Variants in PAQR5 observed in about 807,000 individuals in gnomAD.
PAQR5 encodes progestin and adipoQ receptor family member 5, also known as membrane progestin receptor gamma.
A neutral mutation model predicts 34.5 loss-of-function variants in PAQR5; 20 were observed. That is an observed-to-expected ratio of 0.58 (90% CI 0.41 to 0.84). The LOEUF (loss-of-function observed/expected upper bound fraction) is 0.84, where lower values mean the gene tolerates loss of function less well. PAQR5 is among the 40% of genes least tolerant of loss of function. The pLI, the probability that PAQR5 is intolerant of heterozygous loss-of-function variation, is 0.00. For missense variants in PAQR5, 378 were observed against 412.7 expected, an observed-to-expected ratio of 0.92 and a Z score of 0.73; for synonymous variants, 131 against 155.6, an observed-to-expected ratio of 0.84 and a Z score of 1.18.
chr15:69,321,126 A>C (rs772716384), intron 1 of PAQR5, among the ~76,000 whole-genome samples: 1 of 152,214 alleles, frequency 6.6e-6, no homozygotes, highest in Non-Finnish European at 1.5e-5. Context: ...CAAAACTGTC[A>C]TGTTGATATC....
chr15:69,300,687 C>T (rs2053539396), intron 1 of PAQR5, among the ~76,000 whole-genome samples: 1 of 3,056 alleles, frequency 3.3e-4, no homozygotes, highest in African/African-American at 6.2e-4. Flanking sequence ...TTCCTTCCTC[C>T]CTCCCTCTCT....
chr15:69,317,135 T>C (rs34791416), intron 1 of PAQR5, among the ~76,000 whole-genome samples: 62,202 of 152,074 alleles, frequency 0.41, 13,008 homozygotes, highest in African/African-American at 0.51. Context: ...GGGTTTAGAA[T>C]AGATTGAGTG....
chr15:69,368,725 T>C (rs2055471792), intron 3 of PAQR5, among the ~76,000 whole-genome samples: 1 of 120,470 alleles, frequency 8.3e-6, no homozygotes, highest in Non-Finnish European at 1.7e-5. Context: ...ATTCCTTTGA[T>C]GTATTTTAAA....
At chr15:69,314,301 C>A (rs560586746) in intron 1 of PAQR5, 1 of 152,110 alleles carries the variant, frequency 6.6e-6, no homozygotes, top group African/African-American at 2.4e-5. Context: ...GGCCCAGCTG[C>A]CCTTCTCCCT....
At chr15:69,354,162 C>G (rs2054996810) in intron 2 of PAQR5, among the ~76,000 whole-genome samples, 1 of 152,148 alleles carries the variant, frequency 6.6e-6, no homozygotes, top group Non-Finnish European at 1.5e-5. Context: ...GGCCAACCCA[C>G]TAAGTAAAGA....
At position 69,405,986 on chromosome 15, in the gene PAQR5, T is replaced by C. The variant is rs1162810541; in HGVS notation, c.*2164T>C. On this transcript the variant is annotated 3_prime_UTR_variant, in exon 9 of 9. Coordinates refer to ENST00000395407, the MANE Select transcript of PAQR5 (RefSeq NM_017705.4). Reference sequence around the variant, plus strand: ...TGCAAAATGAGAAGGGGTTCAAATATATTAATTATCATTAAGTATTAAATA... The same window carrying C: ...TGCAAAATGAGAAGGGGTTCAAATACATTAATTATCATTAAGTATTAAATA... 2.0e-5 allele frequency: 3 copies of C among 152,224 alleles called. No homozygotes were observed. Among genetic ancestry groups the C allele is most frequent in the Non-Finnish European group, 4.4e-5 (3 of 68,032 alleles). 9.4% of individuals were successfully genotyped at this position (152,224 alleles called of 1,614,324 possible). A position where few individuals can be genotyped will look rare whatever the true frequency, so the allele number is the denominator to read the frequency against.
chr15:69,373,360 G>C (rs1504622), intron 3 of PAQR5, among the ~76,000 whole-genome samples: 144,105 of 152,080 alleles, frequency 0.95, 68,780 homozygotes, highest in South Asian at 1. Context: ...CTACTGTAGA[G>C]TTAGCAACCA....
chr15:69,319,158 CATATAT>C (rs869082537), intron 1 of PAQR5, among the ~76,000 whole-genome samples: 200 of 3,990 alleles, frequency 0.05, 2 homozygotes, highest in African/African-American at 0.057. Flanking sequence ...TAAATATATA[CATATAT>C]ATATATATAT....
chr15:69,382,659 CATATAT>C lies in PAQR5; in HGVS notation c.180-1977_180-1972del, dbSNP rs59064870. Among the ~76,000 whole-genome samples the C allele has an allele frequency of 7.2e-3, 652 of 91,154 alleles. 9 individuals carry two copies. The highest frequency in any genetic ancestry group is 8.6e-3 in the Non-Finnish European group (436 of 50,878). 59.8% of individuals were successfully genotyped at this position (91,154 alleles called of 152,430 possible). A position where few individuals can be genotyped will look rare whatever the true frequency, so the allele number is the denominator to read the frequency against. On this transcript the variant is annotated intron_variant, in intron 4 of 8. Coordinates refer to ENST00000395407, the MANE Select transcript of PAQR5 (RefSeq NM_017705.4). The stretch of plus-strand genomic sequence containing the variant: ...ACTCTGTCTCAAAAAAAAAAAAAAG[CATATAT>C]ATATATATATATATATATATATATA...
At chr15:69,333,229 A>C (rs1469355809) in intron 1 of PAQR5, among the ~76,000 whole-genome samples, 1 of 152,114 alleles carries the variant, frequency 6.6e-6, no homozygotes, top group Non-Finnish European at 1.5e-5. Flanking sequence ...AGGCACCACG[A>C]ACCCCGTTTT....
At chr15:69,378,818 C>T (rs192530273) in intron 3 of PAQR5, among the ~76,000 whole-genome samples, 3 of 152,132 alleles carry the variant, frequency 2.0e-5, no homozygotes, top group African/African-American at 7.2e-5. Context: ...CTGTTTGTCA[C>T]AACTTGGGGG....
At chr15:69,370,727 G>A (rs2134925) in intron 3 of PAQR5, among the ~76,000 whole-genome samples, 4,389 of 152,198 alleles carry the variant, frequency 0.029, 122 homozygotes, top group East Asian at 0.11. Context: ...CACCGTGTTA[G>A]CCAGGATGGT....
chr15:69,403,516 A>G, intron 8 of PAQR5, 65 bp from the exon 9 acceptor site: 2 of 1,498,296 alleles, frequency 1.3e-6, no homozygotes, highest in Non-Finnish European at 1.8e-6. Context: ...CATGAATGCC[A>G]TAGCATGTAT....
intron 1 of PAQR5, among the ~76,000 whole-genome samples, chr15:69,311,776 C>T (rs1464582613): frequency 6.6e-6 from 1 of 152,246 alleles, no homozygotes; most frequent in African/African-American, 2.4e-5. Context: ...CAGCCACACA[C>T]TGGGTTTGGT....
rs936927250 is a variant in PAQR5, at chr15:69,357,056, G to GTC, written c.-115-2896_-115-2895dup. On this transcript the variant is annotated intron_variant, in intron 2 of 8. Coordinates refer to ENST00000395407, the MANE Select transcript of PAQR5 (RefSeq NM_017705.4). Reference sequence around the variant, plus strand: ...AGTGCGTGGCATCTCCCCACCCACTGTCTCTCTCTCTCTCTTTCTCTCTTG... The same window carrying GTC: ...AGTGCGTGGCATCTCCCCACCCACTGTCTCTCTCTCTCTCTCTTTCTCTCTTG... 1.1e-4 allele frequency among the ~76,000 whole-genome samples: 17 copies of GTC among 151,304 alleles called. No individual in the cohort carries two copies. In the East Asian group the frequency reaches 1.9e-3, roughly 17 times the overall value.
chr15:69,376,363 G>A (rs763124685), intron 3 of PAQR5, among the ~76,000 whole-genome samples: 7 of 152,194 alleles, frequency 4.6e-5, no homozygotes, highest in South Asian at 2.1e-4. Context: ...TGTACCATGC[G>A]TTTTATGAAG....
Position 69,333,411 on chromosome 15 carries a change from G to A in PAQR5, c.-276-3930G>A, listed in dbSNP as rs148669814. Among the ~76,000 whole-genome samples the A allele has an allele frequency of 2.0e-3, 297 of 152,300 alleles. 2 individuals carry two copies. Among genetic ancestry groups the A allele is most frequent in the African/African-American group, 6.7e-3 (279 of 41,558 alleles). On this transcript the variant is annotated intron_variant, in intron 1 of 8. Transcript: ENST00000395407. ...AGCTTTGGTGTGTAATAACTAGGTA[G>A]GAAATATACTTTAGGGAGTGGCTAA...
At chr15:69,397,240 G>T (rs761156760) in intron 6 of PAQR5, 1 of 674,438 alleles carries the variant, frequency 1.5e-6, no homozygotes, top group Non-Finnish European at 2.7e-6. Context: ...GCTTCCCATG[G>T]TCAGGAGATG....
intron 3 of PAQR5, among the ~76,000 whole-genome samples, chr15:69,370,580 C>A (rs371958364): frequency 1.3e-5 from 2 of 152,102 alleles, no homozygotes; most frequent in African/African-American, 4.8e-5. Context: ...AGTGGAATGG[C>A]GCGATCTTGG....
Sources: allele counts gnomAD v4.1 joint callset (sites outside exome capture counted in the v4.1 genomes callset), GRCh38; gene constraint gnomAD v4.1.1; transcripts MANE v1.5; gene names NCBI Gene and HGNC (gene_info 2026-07-23, HGNC 2026-07-21).